TANK: variants seen among roughly 807,000 people sequenced by gnomAD.
TANK encodes TRAF family member associated NFKB activator.
In TANK, 15 loss-of-function variants were observed where a neutral mutation model predicts 43.6. The ratio of observed to expected loss-of-function variants is 0.34; its 90% CI spans 0.23 to 0.53. The LOEUF is 0.53. TANK is among the 20% of genes least tolerant of loss of function. TANK has a pLI of 0.94. For missense variants in TANK, 417 were observed against 498.6 expected (o/e 0.84, Z 1.56); for synonymous variants, 162 against 178.2 (o/e 0.91, Z 0.73).
chr2:161,231,678 C>A, intron 7 of TANK, 127 bp downstream of exon 7: 1 of 861,320 alleles, frequency 1.2e-6, no homozygotes. Context: ...AAAGTTAAGG[C>A]TTTCAAAAAA....
At chr2:161,199,703 C>G (rs1459025639) in intron 2 of TANK, among the ~76,000 whole-genome samples, 1 of 152,072 alleles carries the variant, frequency 6.6e-6, no homozygotes, top group African/African-American at 2.4e-5. Flanking sequence ...TATATTTGAT[C>G]ACCAGTGTTT....
chr2:161,166,453 A>G (rs908162401), intron 1 of TANK, among the ~76,000 whole-genome samples: 5 of 152,252 alleles, frequency 3.3e-5, no homozygotes, highest in African/African-American at 1.2e-4. Context: ...TCCTTTCTTC[A>G]GGTAAGGAAA....
chr2:161,155,847 G>T (rs966938278), upstream of TANK, among the ~76,000 whole-genome samples: 7 of 152,142 alleles, frequency 4.6e-5, no homozygotes, highest in African/African-American at 1.7e-4. Context: ...ATTCTTGTAT[G>T]TATGTCACCC....
upstream of TANK, chr2:161,156,451 A>C (rs765879322): frequency 3.2e-5 from 26 of 815,150 alleles, no homozygotes; most frequent in Non-Finnish European, 3.7e-5. Flanking sequence ...CATAGAAAAT[A>C]CAAAGCAGAT....
At chr2:161,203,697 T>C in intron 3 of TANK, 102 bp downstream of exon 3, 1 of 691,558 alleles carries the variant, frequency 1.4e-6, no homozygotes. Context: ...TTCTCAATAG[T>C]TTTGATATTA....
chr2:161,154,493 G>C (rs1312536434), intron 1 of TANK, among the ~76,000 whole-genome samples: 2 of 152,152 alleles, frequency 1.3e-5, no homozygotes, highest in East Asian at 3.9e-4. Flanking sequence ...GGGAGAAAGT[G>C]AGGCAAACAA....
At chr2:161,181,899 T>G (rs1354763252) in intron 2 of TANK, among the ~76,000 whole-genome samples, 1 of 151,964 alleles carries the variant, frequency 6.6e-6, no homozygotes, top group Non-Finnish European at 1.5e-5. Context: ...AAGTGAGAGA[T>G]CTTATGTTGG....
At chr2:161,188,956 T>C (rs1392357851) in intron 2 of TANK, among the ~76,000 whole-genome samples, 1 of 152,194 alleles carries the variant, frequency 6.6e-6, no homozygotes, top group Non-Finnish European at 1.5e-5. Flanking sequence ...CCTTCCACTA[T>C]ATGGAAGATG....
chr2:161,233,952 C>T (rs1172732788), intron 7 of TANK, among the ~76,000 whole-genome samples: 1 of 151,878 alleles, frequency 6.6e-6, no homozygotes, highest in Non-Finnish European at 1.5e-5. Flanking sequence ...AGAAGTTTTT[C>T]CAGAGAGTTA....
intron 2 of TANK, among the ~76,000 whole-genome samples, chr2:161,189,395 C>T (rs1055144885): frequency 6.6e-6 from 1 of 152,132 alleles, no homozygotes; most frequent in Non-Finnish European, 1.5e-5. Flanking sequence ...AGGAAACGAA[C>T]TCAACAAAAT....
intron 2 of TANK, among the ~76,000 whole-genome samples, chr2:161,181,439 C>T (rs569559759): frequency 6.6e-6 from 1 of 150,910 alleles, no homozygotes; most frequent in African/African-American, 2.4e-5. Context: ...ACAACAACAA[C>T]AAAAAAAAAC....
intron 2 of TANK, among the ~76,000 whole-genome samples, chr2:161,192,714 A>G (rs1333354478): frequency 6.6e-6 from 1 of 152,210 alleles, no homozygotes; most frequent in Non-Finnish European, 1.5e-5. Context: ...ATTACTTCAT[A>G]AATAAGAAAG....
chr2:161,234,438 A>G (rs1042300727), intron 7 of TANK, among the ~76,000 whole-genome samples: 5 of 152,232 alleles, frequency 3.3e-5, no homozygotes, highest in Non-Finnish European at 5.9e-5. Flanking sequence ...TTTGGTTTAC[A>G]CAATTCAGGA....
chr2:161,234,624 G>C (rs1312457270), intron 7 of TANK, among the ~76,000 whole-genome samples: 1 of 152,148 alleles, frequency 6.6e-6, no homozygotes, highest in Non-Finnish European at 1.5e-5. Flanking sequence ...TCTTTAACCA[G>C]GCAACTATTG....
chr2:161,209,630 C>G (rs964848949), intron 4 of TANK, among the ~76,000 whole-genome samples: 3 of 152,088 alleles, frequency 2.0e-5, no homozygotes, highest in Non-Finnish European at 4.4e-5. Flanking sequence ...CCTCATCTTT[C>G]TATGCTACTT....
At chr2:161,151,481 T>C (rs1345608021) in intron 1 of TANK, among the ~76,000 whole-genome samples, 3 of 152,180 alleles carry the variant, frequency 2.0e-5, no homozygotes, top group Non-Finnish European at 4.4e-5. Context: ...ATAATTGCTA[T>C]ATCTTCTTGA....
chr2:161,172,046 C>A (rs1217273766), intron 1 of TANK, among the ~76,000 whole-genome samples: 1 of 152,126 alleles, frequency 6.6e-6, no homozygotes. Flanking sequence ...TTCAAATACT[C>A]TGCCAGAGTT....
At chr2:161,154,055 C>T (rs1367617262) in intron 1 of TANK, among the ~76,000 whole-genome samples, 1 of 152,078 alleles carries the variant, frequency 6.6e-6, no homozygotes, top group Non-Finnish European at 1.5e-5. Context: ...TAATGGCCAT[C>T]CTAAGCTTAA....
intron 1 of TANK, chr2:161,162,916 T>C (rs1483387967): frequency 6.6e-6 from 1 of 152,192 alleles, no homozygotes; most frequent in East Asian, 1.9e-4. Flanking sequence ...ACATCTATCA[T>C]AACCTTTCAT....
Sources: gnomAD v4.1 joint callset for allele counts (sites outside exome capture counted in the v4.1 genomes callset) on GRCh38, gnomAD v4.1.1 for gene constraint, MANE v1.5 for transcripts, NCBI Gene and HGNC (gene_info 2026-07-23, HGNC 2026-07-21) for gene names.